ADAM22: variants seen among roughly 807,000 people sequenced by gnomAD.
The protein encoded by ADAM22 is disintegrin and metalloproteinase domain-containing protein 22.
ADAM22 carries 65 observed loss-of-function variants against 144.6 expected under a neutral mutation model. The observed-to-expected ratio is 0.45, with a 90% confidence interval of 0.37 to 0.55. The LOEUF (loss-of-function observed/expected upper bound fraction) is 0.55, where lower values mean the gene tolerates loss of function less well. Among genes scored for constraint, ADAM22 ranks in the 20% least tolerant of loss-of-function variants. ADAM22 has a pLI of 0.00. For missense variants in ADAM22, 974 were observed against 1,184.9 expected (o/e 0.82, Z 2.61); for synonymous variants, 391 against 412.6 (o/e 0.95, Z 0.63).
chr7:87,967,606 C>T (rs377134524), intron 2 of ADAM22, among the ~76,000 whole-genome samples: 8 of 151,648 alleles, frequency 5.3e-5, no homozygotes, highest in Non-Finnish European at 5.9e-5. Context: ...GTCAGGAGTT[C>T]GAGACCAGCC....
intron 4 of ADAM22, among the ~76,000 whole-genome samples, chr7:88,077,867 C>T (rs1013564594): frequency 6.6e-6 from 1 of 152,186 alleles, no homozygotes; most frequent in Non-Finnish European, 1.5e-5. Flanking sequence ...GGGTGGAGCC[C>T]ACCACAGCTC....
intron 2 of ADAM22, among the ~76,000 whole-genome samples, chr7:87,977,737 AT>A (rs200572686): frequency 1.3e-5 from 2 of 150,494 alleles, no homozygotes; most frequent in Admixed American, 6.6e-5. Context: ...GAAATAGTGA[AT>A]TTTTTTTTTC....
At chr7:88,005,406 G>T in intron 3 of ADAM22, among the ~76,000 whole-genome samples, 1 of 152,160 alleles carries the variant, frequency 6.6e-6, no homozygotes, top group East Asian at 1.9e-4. Flanking sequence ...GATTTTGGAG[G>T]CTGCAGGCCC....
chr7:88,082,944 T>A (rs1362333065), intron 4 of ADAM22, among the ~76,000 whole-genome samples: 6 of 152,174 alleles, frequency 3.9e-5, no homozygotes, highest in Non-Finnish European at 8.8e-5. Context: ...TCCTCAGGGA[T>A]CTAGAACTAG....
Position 88,159,738 on chromosome 7 carries a change from G to A in ADAM22, c.1908-3274G>A, listed in dbSNP as rs112543989. ...ATGTTAAAAACTCTCAATAAACTACGTATTAAAGGAACATACCTCAAAATA... is the reference window on the plus strand; with the variant it reads ...ATGTTAAAAACTCTCAATAAACTACATATTAAAGGAACATACCTCAAAATA... On this transcript the variant is annotated intron_variant, in intron 22 of 31. Transcript: ENST00000413139. 5.2e-3 allele frequency among the ~76,000 whole-genome samples: 797 copies of A among 152,072 alleles called. 11 individuals carry two copies. Among genetic ancestry groups the A allele is most frequent in the African/African-American group, 0.018 (750 of 41,498 alleles).
chr7:87,983,708 CT>C (rs528332544), intron 3 of ADAM22, among the ~76,000 whole-genome samples: 2,577 of 151,020 alleles, frequency 0.017, 30 homozygotes, highest in Middle Eastern at 0.041. Flanking sequence ...GCATTTTTAT[CT>C]TTTTTTTTGT....
In ADAM22 at chr7:88,186,615, G is replaced by A; in HGVS notation, c.2664G>A (p.Glu888=). 6.3e-7 allele frequency: 1 copy of A among 1,599,368 alleles called. No individual in the cohort carries two copies. The highest frequency in any genetic ancestry group is 1.1e-5 in the South Asian group (1 of 90,748). Residue 888 remains glutamate, a splice_region_variant and synonymous_variant, in exon 30 of 32, where the codon GAG becomes GAA. Coordinates refer to ENST00000413139, the MANE Select transcript of ADAM22 (RefSeq NM_001324418.2). ...KRFRPRSNST[E]YLNPWFKRDY... ...TTGTTCCTTCCATTGCTTTCTGCAG[G>A]TATTTAAACCCATGGTTCAAAAGAG...
At chr7:88,055,304 ACAGGG>A in intron 3 of ADAM22, among the ~76,000 whole-genome samples, 1 of 151,986 alleles carries the variant, frequency 6.6e-6, no homozygotes, top group Admixed American at 6.6e-5. Flanking sequence ...GACCAAGGTG[ACAGGG>A]TTTCTTGGGG....
chr7:87,999,333 G>C (rs1362400943), intron 3 of ADAM22, among the ~76,000 whole-genome samples: 1 of 152,224 alleles, frequency 6.6e-6, no homozygotes, highest in Non-Finnish European at 1.5e-5. Context: ...ACATAGCTGT[G>C]TGTGGGTGTA....
At chr7:88,021,085 G>C (rs10231530) in intron 3 of ADAM22, among the ~76,000 whole-genome samples, 1 of 152,142 alleles carries the variant, frequency 6.6e-6, no homozygotes, top group Non-Finnish European at 1.5e-5. Context: ...CTTATCTTCT[G>C]TCCTGCCTTC....
intron 8 of ADAM22, among the ~76,000 whole-genome samples, chr7:88,127,456 G>T (rs1186060605): frequency 6.6e-6 from 1 of 151,826 alleles, no homozygotes; most frequent in East Asian, 1.9e-4. Context: ...AGCTCCTGTT[G>T]CCCTAAAAAC....
chr7:88,078,394 G>A (rs1815325536), intron 4 of ADAM22, among the ~76,000 whole-genome samples: 2 of 152,266 alleles, frequency 1.3e-5, no homozygotes, highest in Admixed American at 1.3e-4. Flanking sequence ...ACAAAGATGG[G>A]GAAAAAACAG....
chr7:88,024,354 A>G (rs1467460806), intron 3 of ADAM22, among the ~76,000 whole-genome samples: 1 of 152,102 alleles, frequency 6.6e-6, no homozygotes, highest in African/African-American at 2.4e-5. Context: ...AGCATTTGTT[A>G]TTGCCTAACT....
At chr7:88,014,776 T>C (rs2022163) in intron 3 of ADAM22, among the ~76,000 whole-genome samples, 64,910 of 152,148 alleles carry the variant, frequency 0.43, 14,498 homozygotes, top group South Asian at 0.59. Context: ...AGAGGTCACG[T>C]TTACCAAGTC....
At chr7:87,987,567 A>G (rs1387811170) in intron 3 of ADAM22, among the ~76,000 whole-genome samples, 2 of 152,202 alleles carry the variant, frequency 1.3e-5, no homozygotes, top group Non-Finnish European at 2.9e-5. Context: ...GGTTTGACAC[A>G]TTGGGTTCCC....
At position 88,087,514 on chromosome 7, in the gene ADAM22, A is replaced by G. The variant is rs1307472658; in HGVS notation, c.390+11822A>G. Among the ~76,000 whole-genome samples the G allele has an allele frequency of 2.0e-5, 3 of 152,224 alleles. No individual in the cohort carries two copies. In the South Asian group the frequency reaches 6.2e-4, roughly 32 times the overall value. ...TTTAGAAAACTAAGAGAGGAATGTC[A>G]AATCCTTTATATAGGTCAGGAATGT... On this transcript the variant is annotated intron_variant, in intron 4 of 31. Coordinates refer to ENST00000413139, the MANE Select transcript of ADAM22 (RefSeq NM_001324418.2).
At chr7:87,987,264 C>T (rs1269793338) in intron 3 of ADAM22, among the ~76,000 whole-genome samples, 12 of 152,132 alleles carry the variant, frequency 7.9e-5, no homozygotes, top group African/African-American at 2.4e-4. Context: ...CTGCAACCTC[C>T]GTCTCCCGGG....
At chr7:87,972,449 G>A (rs1007195732) in intron 2 of ADAM22, among the ~76,000 whole-genome samples, 10 of 152,044 alleles carry the variant, frequency 6.6e-5, no homozygotes, top group African/African-American at 2.4e-4. Flanking sequence ...CAAACAAATG[G>A]AAGAACGTTC....
intron 26 of ADAM22, among the ~76,000 whole-genome samples, chr7:88,176,701 G>A (rs1288439026): frequency 1.3e-5 from 2 of 152,106 alleles, no homozygotes; most frequent in African/African-American, 4.8e-5. Flanking sequence ...AGAATACTGG[G>A]AATGGTCAAG....
Sources: gnomAD v4.1 joint callset for allele counts (sites outside exome capture counted in the v4.1 genomes callset) on GRCh38, gnomAD v4.1.1 for gene constraint, MANE v1.5 for transcripts, NCBI Gene and HGNC (gene_info 2026-07-23, HGNC 2026-07-21) for gene names.